HPGDS: variants seen among roughly 807,000 people sequenced by gnomAD.
HPGDS encodes the protein hematopoietic prostaglandin D synthase.
A neutral mutation model predicts 23.1 loss-of-function variants in HPGDS; 26 were observed. The observed-to-expected ratio is 1.13, with a 90% CI of 0.83 to 1.56. HPGDS has a LOEUF of 1.56. Among genes scored for constraint, HPGDS ranks in the 40% most tolerant of loss-of-function variants. The probability of loss-of-function intolerance (pLI) is 0.00; values close to 1 mark genes in which losing one functional copy is unlikely to be tolerated. For synonymous variants in HPGDS, 95 were observed against 77.9 expected (o/e 1.22, Z -1.16); for missense variants, 268 against 236.4 (o/e 1.13, Z -0.88).
At chr4:94,340,863 G>C in intron 1 of HPGDS, among the ~76,000 whole-genome samples, 2 of 32,802 alleles carry the variant, frequency 6.1e-5, no homozygotes, top group Admixed American at 6.2e-4. Context: ...TTTTTTTTTT[G>C]AGACGGAGTC....
rs1285040728 is a variant in HPGDS, at chr4:94,340,296, TCTTTCTTTCTTTCTC to T, written c.-10+2484_-10+2498del. 1.6e-4 allele frequency among the ~76,000 whole-genome samples: 11 copies of T among 68,172 alleles called. 1 individual carries two copies. The East Asian group carries it at 3.4e-3, about 21-fold the overall frequency. 44.7% of individuals were successfully genotyped at this position (68,172 alleles called of 152,430 possible). A position where few individuals can be genotyped will look rare whatever the true frequency, so the allele number is the denominator to read the frequency against. On this transcript the variant is annotated intron_variant, in intron 1 of 5. Coordinates refer to ENST00000295256, the MANE Select transcript of HPGDS (RefSeq NM_014485.3). ...TTCTTTCTTTCTTTCTTTCTTTCTT[TCTTTCTTTCTTTCTC>T]TTTTTTTTTTTTTTTTTTTTTTTTT...
chr4:94,317,761 C>T (rs1273172743), intron 3 of HPGDS, 112 bp downstream of exon 3: 7 of 594,652 alleles, frequency 1.2e-5, no homozygotes, highest in Non-Finnish European at 2.0e-5. Context: ...TTATTTAATT[C>T]CATTCTTATT....
At chr4:94,311,154 C>T (rs1027621298) in intron 3 of HPGDS, among the ~76,000 whole-genome samples, 31 of 152,256 alleles carry the variant, frequency 2.0e-4, no homozygotes, top group Middle Eastern at 3.4e-3. Flanking sequence ...ATTGCCCTGG[C>T]CAGAACTTCC....
At chr4:94,331,189 G>C (rs1008444660) in intron 2 of HPGDS, among the ~76,000 whole-genome samples, 5 of 152,174 alleles carry the variant, frequency 3.3e-5, no homozygotes. Context: ...TACTTACTAA[G>C]TTAGGTTACA....
At chr4:94,321,742 G>C (rs915485820) in intron 2 of HPGDS, among the ~76,000 whole-genome samples, 4 of 152,150 alleles carry the variant, frequency 2.6e-5, no homozygotes, top group African/African-American at 9.7e-5. Flanking sequence ...CTTCCTAATT[G>C]AATAACCTTT....
chr4:94,306,709 A>G (rs532261446), intron 4 of HPGDS, among the ~76,000 whole-genome samples: 1 of 152,136 alleles, frequency 6.6e-6, no homozygotes, highest in African/African-American at 2.4e-5. Flanking sequence ...TTATAAATTT[A>G]GAAGCACAAT....
At chr4:94,299,993 T>C (rs1161978203) in intron 5 of HPGDS, among the ~76,000 whole-genome samples, 1 of 152,176 alleles carries the variant, frequency 6.6e-6, no homozygotes, top group Non-Finnish European at 1.5e-5. Context: ...TTCCATCTGT[T>C]CTAAAATTGC....
intron 2 of HPGDS, among the ~76,000 whole-genome samples, chr4:94,323,823 T>C (rs987882204): frequency 6.6e-6 from 1 of 152,226 alleles, no homozygotes; most frequent in African/African-American, 2.4e-5. Flanking sequence ...CTGGTTATTT[T>C]GCCCATTAGT....
At chr4:94,323,538 ATTTAAGTTGG>A (rs1166677724) in intron 2 of HPGDS, among the ~76,000 whole-genome samples, 1 of 151,900 alleles carries the variant, frequency 6.6e-6, no homozygotes, top group African/African-American at 2.4e-5. Flanking sequence ...ATCTCTTTTG[ATTTAAGTTGG>A]TTTAAAGTCT....
At chr4:94,337,713 C>A (rs1409076679) in intron 1 of HPGDS, among the ~76,000 whole-genome samples, 1 of 152,102 alleles carries the variant, frequency 6.6e-6, no homozygotes, top group African/African-American at 2.4e-5. Flanking sequence ...AAAAGTTAAA[C>A]ATACAACCTT....
intron 5 of HPGDS, among the ~76,000 whole-genome samples, chr4:94,301,042 G>A (rs1756030895): frequency 6.6e-6 from 1 of 152,098 alleles, no homozygotes; most frequent in South Asian, 2.1e-4. Context: ...TTTTCAATAG[G>A]GCAGGGAGAG....
intron 2 of HPGDS, among the ~76,000 whole-genome samples, chr4:94,324,657 G>A (rs189034006): frequency 6.6e-5 from 10 of 151,776 alleles, no homozygotes; most frequent in African/African-American, 1.5e-4. Context: ...TTAACCATTC[G>A]TCTAATCTTT....
intron 1 of HPGDS, among the ~76,000 whole-genome samples, chr4:94,340,305 CTTTCTCTTTTTTTTTTTTTTTTTTTTTT>C (rs1560597971): frequency 3.4e-3 from 89 of 26,220 alleles, no homozygotes; most frequent in Admixed American, 0.013. Flanking sequence ...TTCTTTCTTT[CTTTCTCTTTTTTTTTTTTTTTTTTTTTT>C]TTTTTTTTTT....
intron 1 of HPGDS, among the ~76,000 whole-genome samples, chr4:94,340,940 G>C (rs1400606289): frequency 3.4e-5 from 5 of 148,932 alleles, no homozygotes; most frequent in Admixed American, 6.7e-5. Flanking sequence ...CGCCTCCCGG[G>C]TTCAAGCGAT....
chr4:94,331,736 T>A (rs1756740106), intron 2 of HPGDS, among the ~76,000 whole-genome samples: 1 of 152,194 alleles, frequency 6.6e-6, no homozygotes, highest in South Asian at 2.1e-4. Context: ...CCTCAAGACA[T>A]GTCTGTTGTC....
intron 2 of HPGDS, among the ~76,000 whole-genome samples, chr4:94,324,452 C>T (rs1358457728): frequency 1.3e-5 from 2 of 152,070 alleles, no homozygotes; most frequent in African/African-American, 4.8e-5. Flanking sequence ...AGACTTTGTT[C>T]ATTTCTTTTT....
intron 4 of HPGDS, among the ~76,000 whole-genome samples, chr4:94,303,548 T>C (rs1045918219): frequency 1.3e-5 from 2 of 152,152 alleles, no homozygotes; most frequent in Non-Finnish European, 2.9e-5. Flanking sequence ...CTTTCCCTTG[T>C]TCTATAAAGT....
intron 3 of HPGDS, among the ~76,000 whole-genome samples, chr4:94,315,338 TTTG>T (rs147540634): frequency 0.011 from 1,601 of 152,350 alleles, 22 homozygotes; most frequent in African/African-American, 0.035. Context: ...TTTCCAGTCT[TTTG>T]TTAATACAAG....
chr4:94,316,274 G>A (rs1011415941), intron 3 of HPGDS, among the ~76,000 whole-genome samples: 32 of 152,296 alleles, frequency 2.1e-4, no homozygotes, highest in African/African-American at 6.0e-4. Flanking sequence ...GCAGTATATA[G>A]CATATTGAGA....
Sources: allele counts gnomAD v4.1 joint callset (sites outside exome capture counted in the v4.1 genomes callset), GRCh38; gene constraint gnomAD v4.1.1; transcripts MANE v1.5; gene names NCBI Gene and HGNC (gene_info 2026-07-23, HGNC 2026-07-21).